Variants in FAT4 observed in about 807,000 individuals in gnomAD.
FAT4 encodes protocadherin Fat 4.
Under a neutral mutation model 303.9 loss-of-function variants are expected in FAT4, and 84 were observed. The observed-to-expected ratio is 0.28, with a 90% CI of 0.23 to 0.33. FAT4 has a LOEUF of 0.33. FAT4 is among the 10% of genes least tolerant of loss of function. The probability of loss-of-function intolerance (pLI) is 1.00; values close to 1 mark genes in which losing one functional copy is unlikely to be tolerated. For synonymous variants in FAT4, 2,307 were observed against 2,298.8 expected (o/e 1.00, Z -0.10); for missense variants, 6,005 against 6,146.8 (o/e 0.98, Z 0.77).
At chr4:125,346,585 G>A (rs1732013218) in intron 2 of FAT4, among the ~76,000 whole-genome samples, 2 of 151,932 alleles carry the variant, frequency 1.3e-5, no homozygotes, top group African/African-American at 2.4e-5. Context: ...ATCATGCACG[G>A]TGAACCCACT....
intron 3 of FAT4, among the ~76,000 whole-genome samples, chr4:125,406,119 A>G (rs1294216362): frequency 6.6e-6 from 1 of 152,142 alleles, no homozygotes; most frequent in Non-Finnish European, 1.5e-5. Flanking sequence ...GCAATTTTCA[A>G]CTAGGAGTTC....
rs761964107 is a variant in FAT4 at position 125,449,356 on chromosome 4, T to C, written c.8346T>C (p.His2782=). 9 of 1,613,870 alleles carry C rather than the reference T, an allele frequency of 5.6e-6. No individual in the cohort carries two copies. The highest frequency in any genetic ancestry group is 1.3e-5 in the African/African-American group (1 of 75,044). The change falls in exon 10 of 18, where the codon CAT becomes CAC. Residue 2782 remains histidine, a synonymous_variant. Transcript: ENST00000394329. ...GGTTTTCTCAGATATTTAGTGCCCATGTTCCTGAAAATTCCCCCTTAGGAT... is the reference window on the plus strand; with the variant it reads ...GGTTTTCTCAGATATTTAGTGCCCACGTTCCTGAAAATTCCCCCTTAGGAT... The part of the protein sequence containing the change: ...APRFSQIFSA[H]VPENSPLGYT...
intron 2 of FAT4, among the ~76,000 whole-genome samples, chr4:125,381,904 C>T (rs1053209387): frequency 5.9e-5 from 9 of 152,190 alleles, no homozygotes; most frequent in African/African-American, 2.2e-4. Flanking sequence ...TTTACAGCAT[C>T]TTCACCAGGA....
chr4:125,490,623 A>G lies in FAT4; in HGVS notation c.13807A>G (p.Asn4603Asp), dbSNP rs780176625. 4.3e-6 allele frequency: 7 copies of G among 1,614,060 alleles called. No individual in the cohort carries two copies. The South Asian group carries it at 7.7e-5, about 18-fold the overall frequency. ...LIYDETDIPH[N>D]SETIPSAPLA... is the part of the protein sequence containing the mutation. ...CTATGATGAAACTGATATTCCTCAC[A>G]ACTCAGAAACCATCCCCAGCGCCCC... Residue 4603 changes from asparagine to aspartate, a missense_variant, in exon 18 of 18, where the codon AAC (asparagine) becomes GAC (aspartate). Coordinates refer to ENST00000394329, the MANE Select transcript of FAT4 (RefSeq NM_001291303.3).
At chr4:125,345,611 C>G (rs1469334597) in intron 2 of FAT4, among the ~76,000 whole-genome samples, 1 of 151,972 alleles carries the variant, frequency 6.6e-6, no homozygotes, top group Non-Finnish European at 1.5e-5. Flanking sequence ...AATTACTACT[C>G]TGGCATGTAT....
At chr4:125,417,232 TA>T (rs1304680569) in intron 7 of FAT4, among the ~76,000 whole-genome samples, 2 of 152,156 alleles carry the variant, frequency 1.3e-5, no homozygotes, top group East Asian at 3.9e-4. Flanking sequence ...CTTCCTGAGC[TA>T]GGGGCATTTA....
At chr4:125,383,207 C>T (rs1262854832) in intron 2 of FAT4, among the ~76,000 whole-genome samples, 1 of 152,194 alleles carries the variant, frequency 6.6e-6, no homozygotes, top group Non-Finnish European at 1.5e-5. Context: ...TGGCTTTCAA[C>T]TTATCTACTT....
At chr4:125,330,219 T>A (rs1731324693) in intron 2 of FAT4, among the ~76,000 whole-genome samples, 1 of 110,202 alleles carries the variant, frequency 9.1e-6, no homozygotes, top group Admixed American at 8.8e-5. Flanking sequence ...ATACTTCAAG[T>A]ATTTTTTTTT....
intron 12 of FAT4, among the ~76,000 whole-genome samples, chr4:125,470,339 A>G (rs1321289111): frequency 6.6e-6 from 1 of 152,184 alleles, no homozygotes; most frequent in African/African-American, 2.4e-5. Flanking sequence ...GACACCAGCT[A>G]TATTCACCCC....
chr4:125,422,225 G>C (rs150831698), intron 7 of FAT4, among the ~76,000 whole-genome samples: 1 of 152,168 alleles, frequency 6.6e-6, no homozygotes, highest in African/African-American at 2.4e-5. Context: ...CCTAGAAGAT[G>C]ATAATATTGG....
At chr4:125,333,710 A>C (rs1321019200) in intron 2 of FAT4, among the ~76,000 whole-genome samples, 1 of 152,170 alleles carries the variant, frequency 6.6e-6, no homozygotes, top group African/African-American at 2.4e-5. Flanking sequence ...CTTAGCACCA[A>C]TTTCTAGTAA....
At chr4:125,325,942 A>G (rs1398336501) in intron 2 of FAT4, among the ~76,000 whole-genome samples, 1 of 152,270 alleles carries the variant, frequency 6.6e-6, no homozygotes, top group East Asian at 1.9e-4. Flanking sequence ...TTGCATTATC[A>G]TGTAAACAGT....
Position 125,448,679 on chromosome 4 carries a change from A to G in FAT4, c.7669A>G (p.Thr2557Ala), listed in dbSNP as rs1388028905. ...SFPKTDSTTV[T>A]VRFVNKADFP... ...TCCAAAGACAGATTCTACAACAGTG[A>G]CTGTTAGATTCGTGAATAAGGCCGA... The change falls in exon 10 of 18, where the codon ACT becomes GCT. Residue 2557 changes from threonine (T) to alanine (A), a missense_variant. By Grantham distance (58) the Thr-to-Ala change is moderately conservative. Transcript: ENST00000394329. 1.2e-6 allele frequency: 2 copies of G among 1,613,974 alleles called. No homozygotes were observed. The highest frequency in any genetic ancestry group is 1.7e-4 in the Middle Eastern group (1 of 6,060).
chr4:125,411,841 T>G (rs1054588851), intron 5 of FAT4, among the ~76,000 whole-genome samples: 1 of 39,626 alleles, frequency 2.5e-5, no homozygotes, highest in Non-Finnish European at 5.0e-5. Flanking sequence ...CTATATATAG[T>G]GTGTGTGTAT....
At chr4:125,405,535 G>A (rs1734564272) in intron 3 of FAT4, among the ~76,000 whole-genome samples, 1 of 150,906 alleles carries the variant, frequency 6.6e-6, no homozygotes, top group Non-Finnish European at 1.5e-5. Context: ...TTTGAGACAA[G>A]AGTCTCGCTC....
intron 2 of FAT4, among the ~76,000 whole-genome samples, chr4:125,323,320 G>A (rs1419074227): frequency 6.6e-6 from 1 of 152,128 alleles, no homozygotes; most frequent in Non-Finnish European, 1.5e-5. Context: ...GATTGGCTTA[G>A]CATGAAAGTA....
intron 4 of FAT4, 81 bp downstream of exon 4, chr4:125,407,222 A>G (rs557949684): frequency 4.7e-6 from 6 of 1,279,336 alleles, no homozygotes; most frequent in Non-Finnish European, 6.6e-6. Flanking sequence ...GCTGCTCTTA[A>G]TCAATGATTA....
chr4:125,402,260 G>T (rs1347403665), intron 3 of FAT4, among the ~76,000 whole-genome samples: 1 of 151,770 alleles, frequency 6.6e-6, no homozygotes, highest in Admixed American at 6.6e-5. Flanking sequence ...CATTAAATAG[G>T]TTTTTGTTTC....
At chr4:125,419,712 A>G (rs1206894352) in intron 7 of FAT4, among the ~76,000 whole-genome samples, 2 of 152,002 alleles carry the variant, frequency 1.3e-5, no homozygotes, top group African/African-American at 2.4e-5. Flanking sequence ...TGCCACCTTT[A>G]TTTTGAGCCA....
Sources: gnomAD v4.1 joint callset for allele counts (sites outside exome capture counted in the v4.1 genomes callset) on GRCh38, gnomAD v4.1.1 for gene constraint, MANE v1.5 for transcripts, NCBI Gene and HGNC (gene_info 2026-07-23, HGNC 2026-07-21) for gene names.